The following ZNF714 variants were observed in gnomAD, a reference collection of about 807,000 sequenced individuals.
ZNF714 encodes zinc finger protein 714.
A neutral mutation model predicts 46.2 loss-of-function variants in ZNF714; 32 were observed. The ratio of observed to expected loss-of-function variants is 0.69; its 90% confidence interval spans 0.52 to 0.93. ZNF714 has a LOEUF of 0.93. ZNF714 is among the 40% of genes least tolerant of loss of function. The pLI is 0.00. For missense variants in ZNF714, 635 were observed against 646.3 expected (o/e 0.98, Z 0.19); for synonymous variants, 199 against 213.1 (o/e 0.93, Z 0.58).
At chr19:21,088,945 G>T (rs1568272734) in intron 2 of ZNF714, among the ~76,000 whole-genome samples, 1 of 152,108 alleles carries the variant, frequency 6.6e-6, no homozygotes, top group Non-Finnish European at 1.5e-5. Flanking sequence ...AGTGGGACAT[G>T]GGGACACCTC....
In ZNF714 at chr19:21,118,076, A is replaced by G. The variant is rs1969643647; in HGVS notation, c.1412A>G (p.His471Arg). Residue 471 changes from histidine (H) to arginine (R), a missense_variant, in exon 5 of 5, where the codon CAT becomes CGT. His to Arg is a conservative substitution (Grantham distance 29). Coordinates refer to ENST00000456283, the MANE Select transcript of ZNF714 (RefSeq NM_182515.4). ...AFNRSSNLTK[H>R]NIIHTGEKSY... is the part of the protein sequence containing the mutation. ...AACCGATCCTCAAACCTTACTAAAC[A>G]TAACATAATTCATACTGGAGAGAAA... is the stretch of plus-strand genomic sequence containing the variant. The G allele has an allele frequency of 6.2e-7, 1 of 1,613,858 alleles. No individual in the cohort carries two copies.
chr19:21,123,345 T>C lies in ZNF714; in HGVS notation c.*5013T>C, dbSNP rs542925098. ...TTAATAGTAAACGAATTTAATTTTC[T>C]TTTTTTATTTTTACTTTTTATTTTT... On this transcript the variant is annotated 3_prime_UTR_variant, in exon 5 of 5. Transcript: ENST00000456283. 6.6e-6 allele frequency among the ~76,000 whole-genome samples: 1 copy of C among 152,046 alleles called. No homozygotes were observed. Among genetic ancestry groups the C allele is most frequent in the Non-Finnish European group, 1.5e-5 (1 of 68,004 alleles).
intron 4 of ZNF714, among the ~76,000 whole-genome samples, chr19:21,112,732 T>C (rs1969476270): frequency 1.3e-5 from 2 of 151,590 alleles, no homozygotes; most frequent in Non-Finnish European, 2.9e-5. Context: ...AATTTCCCCA[T>C]GAACACTGCT....
At chr19:21,094,697 T>C (rs1257668292) in intron 2 of ZNF714, among the ~76,000 whole-genome samples, 1 of 152,174 alleles carries the variant, frequency 6.6e-6, no homozygotes, top group Non-Finnish European at 1.5e-5. Flanking sequence ...TGACTAATTT[T>C]TGTATTTTTA....
chr19:21,082,558 C>T lies in ZNF714; in HGVS notation c.-177+210C>T, dbSNP rs560609743. ...TCCCGGGCGTCCTGTCTTTTCCCTG[C>T]GCAGTGACTGGGCCCTGACCTGGAG... On this transcript the variant is annotated intron_variant, in intron 1 of 4. Transcript: ENST00000456283. 6.6e-5 allele frequency among the ~76,000 whole-genome samples: 10 copies of T among 152,222 alleles called. No individual in the cohort carries two copies. The East Asian group carries it at 1.9e-3, about 30-fold the overall frequency.
At chr19:21,113,281 G>A (rs1599552309) in intron 4 of ZNF714, 1 of 152,188 alleles carries the variant, frequency 6.6e-6, no homozygotes, top group Middle Eastern at 3.4e-3. Context: ...AAGTCATTCA[G>A]TAGCAGGTTG....
intron 4 of ZNF714, among the ~76,000 whole-genome samples, chr19:21,108,763 C>G (rs1969380302): frequency 6.6e-6 from 1 of 152,158 alleles, no homozygotes; most frequent in Admixed American, 6.5e-5. Context: ...ATAGTTAATA[C>G]AGTCTATAAT....
At chr19:21,085,945 T>G (rs1599525967) in intron 2 of ZNF714, among the ~76,000 whole-genome samples, 1 of 151,458 alleles carries the variant, frequency 6.6e-6, no homozygotes, top group East Asian at 1.9e-4. Flanking sequence ...TATAAAAATT[T>G]TAAGGATTGC....
rs199881991 is a variant in ZNF714 at position 21,123,971 on chromosome 19, A to C, written c.*5639A>C. The C allele has an allele frequency of 5.3e-5, 8 of 152,310 alleles. No homozygotes were observed. The East Asian group carries it at 9.7e-4, about 18-fold the overall frequency. 9.4% of individuals were successfully genotyped at this position (152,310 alleles called of 1,614,324 possible). A position where few individuals can be genotyped will look rare whatever the true frequency, so the allele number is the denominator to read the frequency against. On this transcript the variant is annotated 3_prime_UTR_variant, in exon 5 of 5. Transcript: ENST00000456283. ...GGATTAAAACATTCTGTTATTTTGC[A>C]TGCAAACTAGTTTACTGTGTTCACA...
At chr19:21,083,162 A>G (rs768838406) in intron 1 of ZNF714, among the ~76,000 whole-genome samples, 2 of 151,906 alleles carry the variant, frequency 1.3e-5, no homozygotes, top group Non-Finnish European at 2.9e-5. Context: ...TCAGCCTCCC[A>G]GGTAGCTGGG....
Position 21,121,225 on chromosome 19 carries a change from G to C in ZNF714, c.*2893G>C, listed in dbSNP as rs1969699322. 1 of 152,076 alleles carries C rather than the reference G, an allele frequency of 6.6e-6. No homozygotes were observed. Among genetic ancestry groups the C allele is most frequent in the Admixed American group, 6.6e-5 (1 of 15,254 alleles). 9.4% of individuals were successfully genotyped at this position (152,076 alleles called of 1,614,324 possible). A position where few individuals can be genotyped will look rare whatever the true frequency, so the allele number is the denominator to read the frequency against. ...TTTTTGTATTTTTAGTAGAGATGGG[G>C]TTTCACCATGTTAGCCAGGATGGTC... On this transcript the variant is annotated 3_prime_UTR_variant, in exon 5 of 5. Coordinates refer to ENST00000456283, the MANE Select transcript of ZNF714 (RefSeq NM_182515.4).
Position 21,117,167 on chromosome 19 carries a change from T to A in ZNF714, c.503T>A (p.Ile168Asn). Residue 168 changes from isoleucine (I) to asparagine (N), a missense_variant, in exon 5 of 5, where the codon ATT (isoleucine) becomes AAT (asparagine). Transcript: ENST00000456283. ...CTACATCAACATAAAAGAATTCATA[T>A]TAGAGAGAATTCTTACCAATGTGAA... ...LHLHQHKRIH[I>N]RENSYQCEEC... The A allele has an allele frequency of 6.2e-7, 1 of 1,613,990 alleles. No individual in the cohort carries two copies. Among genetic ancestry groups the A allele is most frequent in the Non-Finnish European group, 8.5e-7 (1 of 1,179,912 alleles).
chr19:21,104,159 A>C (rs1447659720), intron 4 of ZNF714, among the ~76,000 whole-genome samples: 1 of 152,154 alleles, frequency 6.6e-6, no homozygotes, highest in Non-Finnish European at 1.5e-5. Context: ...AATATTTTCA[A>C]AGTTTATCTT....
At position 21,082,258 on chromosome 19, in the gene ZNF714, C is replaced by T; in HGVS notation, c.-267C>T. On this transcript the variant is annotated 5_prime_UTR_variant, in exon 1 of 5. Transcript: ENST00000456283. Reference sequence around the variant, plus strand: ...CGCCTTCACTGCCCTGTGTCCTCTGCTCGCAGAGGCCCAGCCTCTGTGGCC... The same window carrying T: ...CGCCTTCACTGCCCTGTGTCCTCTGTTCGCAGAGGCCCAGCCTCTGTGGCC... 7.4e-7 allele frequency: 1 copy of T among 1,354,466 alleles called. No individual in the cohort carries two copies. The highest frequency in any genetic ancestry group is 1.0e-6 in the Non-Finnish European group (1 of 994,036). The allele number at this position is 1,354,466 out of a possible 1,614,324, so 83.9% of individuals were successfully genotyped here.
rs1235135345 is a variant in ZNF714, at chr19:21,123,812, A to C, written c.*5480A>C. 2.0e-5 allele frequency: 3 copies of C among 152,108 alleles called. No homozygotes were observed. The highest frequency in any genetic ancestry group is 1.5e-5 in the Non-Finnish European group (1 of 68,020). The allele number at this position is 152,108 out of a possible 1,614,324, so 9.4% of individuals were successfully genotyped here. Reference sequence around the variant, plus strand: ...CTATATTGATTTTACAATTTGGAGAAATTTCTCTTATTTTTTATATTTTTT... The same window carrying C: ...CTATATTGATTTTACAATTTGGAGACATTTCTCTTATTTTTTATATTTTTT... On this transcript the variant is annotated 3_prime_UTR_variant, in exon 5 of 5. Transcript: ENST00000456283.
intron 4 of ZNF714, among the ~76,000 whole-genome samples, chr19:21,104,209 T>A (rs192936960): frequency 1.2e-3 from 176 of 148,572 alleles, no homozygotes; most frequent in Non-Finnish European, 2.2e-3. Context: ...TTGATTTAAT[T>A]ATGATAATAT....
At chr19:21,092,742 A>T (rs936851946) in intron 2 of ZNF714, among the ~76,000 whole-genome samples, 1 of 152,002 alleles carries the variant, frequency 6.6e-6, no homozygotes, top group East Asian at 1.9e-4. Context: ...TTCATTGTCT[A>T]TTCTCAACTA....
At chr19:21,089,114 A>G (rs1261637670) in intron 2 of ZNF714, among the ~76,000 whole-genome samples, 1 of 152,216 alleles carries the variant, frequency 6.6e-6, no homozygotes, top group African/African-American at 2.4e-5. Context: ...TGATACCCCC[A>G]AAAGTAAAAA....
chr19:21,098,131 C>T (rs1163594482), intron 2 of ZNF714, 54 bp from the exon 3 acceptor site: 2 of 1,539,726 alleles, frequency 1.3e-6, no homozygotes, highest in Admixed American at 4.6e-5. Flanking sequence ...ATAATAAATT[C>T]TGCCCATGGC....
Sources: allele counts gnomAD v4.1 joint callset (sites outside exome capture counted in the v4.1 genomes callset), GRCh38; gene constraint gnomAD v4.1.1; transcripts MANE v1.5; gene names NCBI Gene and HGNC (gene_info 2026-07-23, HGNC 2026-07-21).